ELMO1: variants seen among roughly 807,000 people sequenced by gnomAD.
ELMO1 encodes the protein engulfment and cell motility protein 1.
In ELMO1, 26 loss-of-function variants were observed where a neutral mutation model predicts 98.9. The ratio of observed to expected loss-of-function variants is 0.26; its 90% CI spans 0.19 to 0.36. The LOEUF is 0.36. Among genes scored for constraint, ELMO1 ranks in the 10% least tolerant of loss-of-function variants. The probability of loss-of-function intolerance (pLI) is 1.00; values close to 1 mark genes in which losing one functional copy is unlikely to be tolerated. For missense variants in ELMO1, 627 were observed against 935.2 expected, an observed-to-expected ratio of 0.67 and a Z score of 4.30; for synonymous variants, 346 against 346.0, an observed-to-expected ratio of 1.00 and a Z score of 0.00.
intron 14 of ELMO1, among the ~76,000 whole-genome samples, chr7:37,109,973 C>T (rs1044430994): frequency 4.6e-5 from 7 of 152,168 alleles, no homozygotes; most frequent in African/African-American, 7.2e-5. Context: ...CAGCAATGAA[C>T]GCTCGTGGTT....
chr7:37,155,972 G>C (rs1370362407), intron 13 of ELMO1, among the ~76,000 whole-genome samples: 2 of 152,126 alleles, frequency 1.3e-5, no homozygotes, highest in East Asian at 3.9e-4. Flanking sequence ...ACAACAGACT[G>C]TCTCTCACAC....
chr7:37,042,587 T>C (rs1176805428), intron 15 of ELMO1, among the ~76,000 whole-genome samples: 2 of 152,172 alleles, frequency 1.3e-5, no homozygotes, highest in Non-Finnish European at 2.9e-5. Flanking sequence ...ATGGAAAAGA[T>C]GCAGGCTCTA....
chr7:37,411,442 C>T (rs1021234314), intron 1 of ELMO1, among the ~76,000 whole-genome samples: 1 of 152,174 alleles, frequency 6.6e-6, no homozygotes, highest in African/African-American at 2.4e-5. Flanking sequence ...TTAATATCCT[C>T]GTGCTTTTCA....
At chr7:37,069,435 T>C (rs2129223152) in intron 15 of ELMO1, among the ~76,000 whole-genome samples, 1 of 152,298 alleles carries the variant, frequency 6.6e-6, no homozygotes, top group Non-Finnish European at 1.5e-5. Context: ...ACTTCATGTA[T>C]GAGGCAGGGG....
At chr7:36,927,311 T>C (rs1986619) in intron 16 of ELMO1, among the ~76,000 whole-genome samples, 11,339 of 152,218 alleles carry the variant, frequency 0.074, 528 homozygotes, top group South Asian at 0.19. Context: ...GCAAAAGATA[T>C]ATAGTACTGG....
intron 15 of ELMO1, among the ~76,000 whole-genome samples, chr7:37,091,485 AGGAGCT>A (rs1784089831): frequency 6.6e-6 from 1 of 152,118 alleles, no homozygotes; most frequent in South Asian, 2.1e-4. Flanking sequence ...TTCCCCAGCT[AGGAGCT>A]GGGCATCTTC....
At chr7:37,214,678 T>C (rs1362067621) in intron 11 of ELMO1, among the ~76,000 whole-genome samples, 1 of 152,110 alleles carries the variant, frequency 6.6e-6, no homozygotes, top group Non-Finnish European at 1.5e-5. Context: ...AGATAACGGA[T>C]GGTTAGGAGC....
rs1334734027 is a variant in ELMO1, at chr7:37,354,256, C to T, written c.-73-11493G>A. Among the ~76,000 whole-genome samples, 5 of 151,952 alleles carry T rather than the reference C, an allele frequency of 3.3e-5. No homozygotes were observed. The East Asian group carries it at 9.7e-4, about 29-fold the overall frequency. ...CCAGACAAGTGAATGAATAAATGAA[C>T]CACTCTTTCCTTAAAACCAAATTCA... On this transcript the variant is annotated intron_variant, in intron 1 of 21. Coordinates refer to ENST00000310758, the MANE Select transcript of ELMO1 (RefSeq NM_014800.11).
At position 37,447,714 on chromosome 7, in the gene ELMO1, CCACACACACACACA is replaced by C. The variant is rs3054415; in HGVS notation, c.-74+947_-74+960del. On this transcript the variant is annotated intron_variant, in intron 1 of 21. Coordinates refer to ENST00000310758, the MANE Select transcript of ELMO1 (RefSeq NM_014800.11). ...ACATACATACGCGCGCGCGCACACACCACACACACACACACACACACACACACACACACACGCCG... is the reference window on the plus strand; with the variant it reads ...ACATACATACGCGCGCGCGCACACACCACACACACACACACACACACGCCG... Among the ~76,000 whole-genome samples the C allele has an allele frequency of 4.2e-3, 550 of 132,074 alleles. 5 individuals carry two copies. The highest frequency in any genetic ancestry group is 0.027 in the Middle Eastern group (7 of 256). The allele number at this position is 132,074 out of a possible 152,430, so 86.6% of individuals were successfully genotyped here.
chr7:36,998,157 G>A (rs1324710072), intron 16 of ELMO1, among the ~76,000 whole-genome samples: 4 of 152,154 alleles, frequency 2.6e-5, no homozygotes, highest in Non-Finnish European at 4.4e-5. Flanking sequence ...TAGCATGAAG[G>A]TGTAAGGGAT....
intron 6 of ELMO1, among the ~76,000 whole-genome samples, chr7:37,254,880 T>C (rs1324823981): frequency 6.6e-6 from 1 of 152,216 alleles, no homozygotes; most frequent in East Asian, 1.9e-4. Flanking sequence ...CATTGTATAA[T>C]ACGTGTGCAA....
chr7:37,047,922 A>C (rs1400689552), intron 15 of ELMO1, among the ~76,000 whole-genome samples: 1 of 152,164 alleles, frequency 6.6e-6, no homozygotes, highest in East Asian at 1.9e-4. Flanking sequence ...AATTAAAAAA[A>C]CCCTGCTTTC....
chr7:37,145,245 T>C (rs1473985011), intron 13 of ELMO1, among the ~76,000 whole-genome samples: 1 of 152,176 alleles, frequency 6.6e-6, no homozygotes, highest in Non-Finnish European at 1.5e-5. Flanking sequence ...GGATAGCTCA[T>C]CTCAAATGAC....
At chr7:36,916,629 A>G (rs911176544) in intron 16 of ELMO1, among the ~76,000 whole-genome samples, 6 of 152,236 alleles carry the variant, frequency 3.9e-5, no homozygotes, top group Non-Finnish European at 8.8e-5. Flanking sequence ...CATAGTGCCT[A>G]AAGTACAAAA....
intron 16 of ELMO1, among the ~76,000 whole-genome samples, chr7:36,996,662 C>T (rs1221480659): frequency 6.6e-6 from 1 of 152,156 alleles, no homozygotes; most frequent in Non-Finnish European, 1.5e-5. Flanking sequence ...AAGTTAAGTG[C>T]TACAAGAGAG....
At chr7:37,067,796 A>G (rs1360788568) in intron 15 of ELMO1, among the ~76,000 whole-genome samples, 2 of 152,302 alleles carry the variant, frequency 1.3e-5, no homozygotes, top group East Asian at 3.9e-4. Context: ...TTAAAAAAAA[A>G]GCTTCTTTGA....
At chr7:37,173,417 C>T (rs1369609148) in intron 13 of ELMO1, among the ~76,000 whole-genome samples, 1 of 152,202 alleles carries the variant, frequency 6.6e-6, no homozygotes, top group East Asian at 1.9e-4. Context: ...GAGTAGATGG[C>T]CAAAAACTCT....
At chr7:36,883,144 T>C (rs1008615) in intron 18 of ELMO1, among the ~76,000 whole-genome samples, 145,165 of 152,200 alleles carry the variant, frequency 0.95, 69,317 homozygotes, top group East Asian at 1. Flanking sequence ...GAGTGGTAGG[T>C]ACGCATTTTG....
intron 15 of ELMO1, among the ~76,000 whole-genome samples, chr7:37,075,344 A>ACGGG (rs376930050): frequency 1.0e-4 from 15 of 147,818 alleles, no homozygotes; most frequent in African/African-American, 3.3e-4. Context: ...TTTAGTAGAG[A>ACGGG]CGGGGTTTCA....
Sources: allele counts gnomAD v4.1 joint callset (sites outside exome capture counted in the v4.1 genomes callset), GRCh38; gene constraint gnomAD v4.1.1; transcripts MANE v1.5; gene names NCBI Gene and HGNC (gene_info 2026-07-23, HGNC 2026-07-21).